ALDH1L1: variants seen among roughly 807,000 people sequenced by gnomAD.
ALDH1L1 encodes aldehyde dehydrogenase 1 family member L1.
Under a neutral mutation model 101.1 loss-of-function variants are expected in ALDH1L1, and 68 were observed. That is an observed-to-expected ratio of 0.67 (90% CI 0.55 to 0.82). The LOEUF (loss-of-function observed/expected upper bound fraction) is 0.82, where lower values mean the gene tolerates loss of function less well. Ranked by LOEUF, ALDH1L1 falls within the 40% of genes least tolerant of loss-of-function variation. The pLI, the probability that ALDH1L1 is intolerant of heterozygous loss-of-function variation, is 0.00. For synonymous variants in ALDH1L1, 486 were observed against 470.8 expected (o/e 1.03, Z -0.42); for missense variants, 1,087 against 1,172.7 (o/e 0.93, Z 1.07).
chr3:126,125,806 G>A, intron 14 of ALDH1L1, 85 bp from the exon 15 acceptor site: 1 of 987,548 alleles, frequency 1.0e-6, no homozygotes, highest in Non-Finnish European at 1.4e-6. Context: ...CTCACCCAGG[G>A]CCTGACATCC....
At chr3:126,159,557 G>C (rs1326941131) in intron 2 of ALDH1L1, 1 of 456,180 alleles carries the variant, frequency 2.2e-6, no homozygotes, top group South Asian at 1.6e-5. Flanking sequence ...CTGTCACTCT[G>C]TCCTGGTGTC....
chr3:126,166,654 T>C (rs943875033), intron 1 of ALDH1L1, among the ~76,000 whole-genome samples: 1 of 152,178 alleles, frequency 6.6e-6, no homozygotes, highest in Non-Finnish European at 1.5e-5. Context: ...TCAAAATAAA[T>C]TTGTATCAAA....
chr3:126,137,088 C>A (rs1374258822), intron 10 of ALDH1L1, among the ~76,000 whole-genome samples: 1 of 152,174 alleles, frequency 6.6e-6, no homozygotes. Flanking sequence ...TCCACCTACT[C>A]CCTGTGCCAC....
In ALDH1L1 at chr3:126,146,826, T is replaced by A; in HGVS notation, c.1076+9A>T. ...ACCTGGGACAGGACCCCTCCACTCC[T>A]GGCCTTACCTCACAACGTCCACAGA... On this transcript the variant is annotated intron_variant, in intron 9 of 22. Coordinates refer to ENST00000393434, the MANE Select transcript of ALDH1L1 (RefSeq NM_012190.4). The A allele has an allele frequency of 6.2e-7, 1 of 1,613,850 alleles. No individual in the cohort carries two copies. Among genetic ancestry groups the A allele is most frequent in the East Asian group, 2.2e-5 (1 of 44,872 alleles).
intron 7 of ALDH1L1, chr3:126,153,086 C>T (rs2080836522): frequency 2.8e-6 from 1 of 363,024 alleles, no homozygotes; most frequent in Non-Finnish European, 5.3e-6. Context: ...ACCCCACACC[C>T]AGAGGTGTTT....
intron 22 of ALDH1L1, chr3:126,105,317 C>T (rs766152261): frequency 3.0e-6 from 1 of 328,742 alleles, no homozygotes; most frequent in Non-Finnish European, 6.0e-6. Flanking sequence ...TGGCCCACTC[C>T]CACCACTCTG....
chr3:126,169,212 A>T (rs2081226046), intron 1 of ALDH1L1, among the ~76,000 whole-genome samples: 1 of 152,194 alleles, frequency 6.6e-6, no homozygotes, highest in African/African-American at 2.4e-5. Context: ...TATTTTTCAG[A>T]GTCAAGAAAA....
intron 2 of ALDH1L1, chr3:126,159,567 C>A (rs2080997739): frequency 2.2e-6 from 1 of 455,670 alleles, no homozygotes; most frequent in Non-Finnish European, 4.4e-6. Flanking sequence ...GTCCTGGTGT[C>A]TGGTAGTTTT....
chr3:126,149,366 T>C (rs1254531015), intron 8 of ALDH1L1, among the ~76,000 whole-genome samples: 1 of 151,872 alleles, frequency 6.6e-6, no homozygotes, highest in Non-Finnish European at 1.5e-5. Flanking sequence ...GCTGCAGCTG[T>C]TGTAAGATAG....
upstream of ALDH1L1, chr3:126,180,645 C>T: frequency 1.5e-6 from 2 of 1,314,500 alleles, no homozygotes; most frequent in South Asian, 1.8e-5. Flanking sequence ...GGGCGCGGGG[C>T]GGGCGGAGAG....
intron 18 of ALDH1L1, among the ~76,000 whole-genome samples, chr3:126,113,498 G>A (rs1946146282): frequency 6.6e-6 from 1 of 152,146 alleles, no homozygotes; most frequent in South Asian, 2.1e-4. Flanking sequence ...GGAGGACGGA[G>A]AGCCATGGTC....
At chr3:126,155,545 C>T (rs2276731) in intron 4 of ALDH1L1, 42 bp from the exon 5 acceptor site, 1,271,800 of 1,554,482 alleles carry the variant, frequency 0.82, 521,284 homozygotes, top group South Asian at 0.9. Flanking sequence ...CAATAGGACC[C>T]TGCCTCCTTC....
At chr3:126,131,778 G>A (rs1262576612) in intron 12 of ALDH1L1, among the ~76,000 whole-genome samples, 1 of 152,228 alleles carries the variant, frequency 6.6e-6, no homozygotes, top group Non-Finnish European at 1.5e-5. Flanking sequence ...CTTCCTTCCT[G>A]AAGTATTTGT....
chr3:126,178,241 C>T (rs1008748106), intron 1 of ALDH1L1, among the ~76,000 whole-genome samples: 4 of 151,118 alleles, frequency 2.6e-5, no homozygotes, highest in African/African-American at 7.3e-5. Flanking sequence ...ATTAGCCAGG[C>T]GTGGTTGTGC....
At chr3:126,108,088 C>T (rs1945947202) in intron 20 of ALDH1L1, 1 of 152,218 alleles carries the variant, frequency 6.6e-6, no homozygotes, top group Admixed American at 6.5e-5. Context: ...TGTTTTAACA[C>T]TGATTACAAT....
chr3:126,162,305 A>T (rs1377426190), intron 1 of ALDH1L1, among the ~76,000 whole-genome samples: 2 of 152,178 alleles, frequency 1.3e-5, no homozygotes, highest in African/African-American at 4.8e-5. Context: ...GAGTGGTTGT[A>T]TTAGTTTCCA....
intron 4 of ALDH1L1, chr3:126,156,120 C>A (rs2080898753): frequency 6.6e-6 from 1 of 152,278 alleles, no homozygotes; most frequent in South Asian, 2.1e-4. Flanking sequence ...TCCAAGTCTG[C>A]ACGGTCCAAC....
At chr3:126,193,908 G>T (rs2081567090) in intron 1 of ALDH1L1, among the ~76,000 whole-genome samples, 1 of 152,094 alleles carries the variant, frequency 6.6e-6, no homozygotes, top group Non-Finnish European at 1.5e-5. Flanking sequence ...TTTCATTAAA[G>T]TTCCAGGAAT....
intron 15 of ALDH1L1, 98 bp downstream of exon 15, chr3:126,125,518 G>C (rs576851105): frequency 2.1e-6 from 2 of 952,660 alleles, no homozygotes; most frequent in African/African-American, 1.7e-5. Flanking sequence ...TCCAGTGCCC[G>C]TGTGGCCAAG....
Sources: allele counts gnomAD v4.1 joint callset (sites outside exome capture counted in the v4.1 genomes callset), GRCh38; gene constraint gnomAD v4.1.1; transcripts MANE v1.5; gene names NCBI Gene and HGNC (gene_info 2026-07-23, HGNC 2026-07-21).